SNX27: variants seen among roughly 807,000 people sequenced by gnomAD.
SNX27 encodes the protein sorting nexin 27.
A neutral mutation model predicts 71.6 loss-of-function variants in SNX27; 22 were observed. The ratio of observed to expected loss-of-function variants is 0.31; its 90% confidence interval spans 0.22 to 0.44. SNX27 has a LOEUF of 0.44. Among genes scored for constraint, SNX27 ranks in the 20% least tolerant of loss-of-function variants. The probability of loss-of-function intolerance (pLI) is 1.00; values close to 1 mark genes in which losing one functional copy is unlikely to be tolerated. For synonymous variants in SNX27, 269 were observed against 277.2 expected (o/e 0.97, Z 0.29); for missense variants, 531 against 698.6 (o/e 0.76, Z 2.70).
intron 3 of SNX27, 57 bp from the exon 4 acceptor site, chr1:151,660,741 G>T: frequency 7.6e-7 from 1 of 1,320,526 alleles, no homozygotes; most frequent in South Asian, 1.2e-5. Flanking sequence ...ATACGTCTTT[G>T]ACTTTATATT....
At chr1:151,650,133 C>G (rs898600581) in intron 2 of SNX27, among the ~76,000 whole-genome samples, 2 of 152,048 alleles carry the variant, frequency 1.3e-5, no homozygotes, top group African/African-American at 4.8e-5. Context: ...AGTGATCTGC[C>G]CACTTCAGCC....
intron 8 of SNX27, among the ~76,000 whole-genome samples, chr1:151,691,186 G>A (rs1266957778): frequency 6.6e-6 from 1 of 152,076 alleles, no homozygotes; most frequent in Non-Finnish European, 1.5e-5. Context: ...AGGAGGCTGA[G>A]GTAGGAGAAT....
chr1:151,690,029 A>T (rs542368604), intron 8 of SNX27, among the ~76,000 whole-genome samples: 1 of 152,032 alleles, frequency 6.6e-6, no homozygotes, highest in South Asian at 2.1e-4. Flanking sequence ...TTGTATTTTT[A>T]GTAAAAATGG....
At chr1:151,678,178 T>C (rs1571861819) in intron 7 of SNX27, 1 of 152,352 alleles carries the variant, frequency 6.6e-6, no homozygotes, top group East Asian at 1.9e-4. Flanking sequence ...TTACCAGGCG[T>C]GAGCCACTGC....
At chr1:151,671,722 C>T (rs1021288374) in intron 7 of SNX27, among the ~76,000 whole-genome samples, 1 of 152,038 alleles carries the variant, frequency 6.6e-6, no homozygotes, top group African/African-American at 2.4e-5. Context: ...TTCTTCCAAT[C>T]CATGAACATG....
At chr1:151,686,525 C>A (rs546013735) in intron 8 of SNX27, among the ~76,000 whole-genome samples, 25 of 152,302 alleles carry the variant, frequency 1.6e-4, no homozygotes, top group African/African-American at 5.5e-4. Context: ...GTCTTGAAAA[C>A]CTAGTGCCAA....
intron 1 of SNX27, among the ~76,000 whole-genome samples, chr1:151,616,441 T>C (rs186441398): frequency 6.6e-6 from 1 of 152,226 alleles, no homozygotes. Flanking sequence ...TCAGTATATA[T>C]GCTTTCCTCT....
intron 2 of SNX27, among the ~76,000 whole-genome samples, chr1:151,650,088 A>T (rs1004310775): frequency 2.6e-5 from 4 of 152,004 alleles, no homozygotes; most frequent in African/African-American, 9.7e-5. Flanking sequence ...GGGTTTTACC[A>T]TGTTGGTCAG....
intron 2 of SNX27, among the ~76,000 whole-genome samples, chr1:151,651,201 CCCGGGCGGGGCGGCTGG>C (rs1480694652): frequency 1.3e-5 from 2 of 151,452 alleles, no homozygotes; most frequent in South Asian, 2.1e-4. Context: ...CCCCTCACCT[CCCGGGCGGGGCGGCTGG>C]CCGGGCGGGG....
chr1:151,687,861 T>C (rs1169640651), intron 8 of SNX27, among the ~76,000 whole-genome samples: 1 of 147,692 alleles, frequency 6.8e-6, no homozygotes, highest in Non-Finnish European at 1.5e-5. Context: ...GGCAGGAGAA[T>C]GGCGTGAACC....
rs1276755937 is a variant in SNX27 at position 151,694,449 on chromosome 1, C to A, written c.*32C>A. On this transcript the variant is annotated 3_prime_UTR_variant, in exon 12 of 12. Coordinates refer to ENST00000458013, the MANE Select transcript of SNX27 (RefSeq NM_001330723.2). ...CTTATCCCCTTCCCTTCCCTTCACC[C>A]CCATCCTCTTACTCCTTTCATGTCC... The A allele has an allele frequency of 1.9e-6, 3 of 1,543,384 alleles. No individual in the cohort carries two copies. In the Admixed American group the frequency reaches 5.9e-5, roughly 30 times the overall value.
chr1:151,626,078 G>A (rs1027650508), intron 1 of SNX27, among the ~76,000 whole-genome samples: 13 of 152,000 alleles, frequency 8.6e-5, no homozygotes, highest in Non-Finnish European at 4.4e-5. Context: ...GCAGTGAGCC[G>A]AGATGGCGCC....
In SNX27 at chr1:151,681,952, C is replaced by T. The variant is rs1232634049; in HGVS notation, c.1150-1404C>T. ...TATAGTTTCTCTTCTTCATTCTGTT[C>T]TTTGGGGATCCACCTAAGGCTTCCC... is the stretch of plus-strand genomic sequence containing the variant. On this transcript the variant is annotated intron_variant, in intron 7 of 11. Coordinates refer to ENST00000458013, the MANE Select transcript of SNX27 (RefSeq NM_001330723.2). Among the ~76,000 whole-genome samples, 6 of 152,282 alleles carry T rather than the reference C, an allele frequency of 3.9e-5. No individual in the cohort carries two copies. The East Asian group carries it at 1.2e-3, about 29-fold the overall frequency.
At chr1:151,676,163 A>G (rs1670685484) in intron 7 of SNX27, 2 of 143,314 alleles carry the variant, frequency 1.4e-5, no homozygotes, top group Admixed American at 6.9e-5. Flanking sequence ...GTGTTTTTGT[A>G]CCTTGCTGTA....
intron 4 of SNX27, 88 bp from the exon 5 acceptor site, chr1:151,662,078 C>A: frequency 1.2e-6 from 1 of 828,268 alleles, no homozygotes. Flanking sequence ...TTCTCTACCA[C>A]GTTTTAGGTT....
At chr1:151,683,857 G>C (rs1393329873) in intron 8 of SNX27, among the ~76,000 whole-genome samples, 1 of 152,148 alleles carries the variant, frequency 6.6e-6, no homozygotes, top group Non-Finnish European at 1.5e-5. Flanking sequence ...AGTAGAGACA[G>C]GGTTTTGCCA....
intron 2 of SNX27, among the ~76,000 whole-genome samples, chr1:151,643,846 G>A (rs1668902190): frequency 6.6e-6 from 1 of 151,776 alleles, no homozygotes; most frequent in Admixed American, 6.6e-5. Flanking sequence ...TTTTAATAGA[G>A]ATAGGGTTTC....
At chr1:151,621,687 C>T (rs1450647958) in intron 1 of SNX27, among the ~76,000 whole-genome samples, 1 of 152,182 alleles carries the variant, frequency 6.6e-6, no homozygotes, top group Non-Finnish European at 1.5e-5. Context: ...GTCTCTTCCA[C>T]CCGCAAATAC....
chr1:151,620,788 C>T (rs2102597517), intron 1 of SNX27, among the ~76,000 whole-genome samples: 1 of 151,378 alleles, frequency 6.6e-6, no homozygotes, highest in African/African-American at 2.4e-5. Context: ...CTCCCAGGTT[C>T]AAGCAATTCT....
Sources: allele counts gnomAD v4.1 joint callset (sites outside exome capture counted in the v4.1 genomes callset), GRCh38; gene constraint gnomAD v4.1.1; transcripts MANE v1.5; gene names NCBI Gene and HGNC (gene_info 2026-07-23, HGNC 2026-07-21).